CCDC148: variants seen among roughly 807,000 people sequenced by gnomAD.
The protein encoded by CCDC148 is coiled-coil domain containing 148.
A neutral mutation model predicts 85.7 loss-of-function variants in CCDC148; 89 were observed. The ratio of observed to expected loss-of-function variants is 1.04; its 90% confidence interval spans 0.87 to 1.24. The LOEUF is 1.24. Among genes scored for constraint, CCDC148 ranks in the 50% most tolerant of loss-of-function variants. CCDC148 has a pLI of 0.00. For missense variants in CCDC148, 692 were observed against 671.7 expected (o/e 1.03, Z -0.33); for synonymous variants, 230 against 213.9 (o/e 1.08, Z -0.66).
intron 11 of CCDC148, among the ~76,000 whole-genome samples, chr2:158,183,339 G>A (rs1485522674): frequency 2.6e-5 from 4 of 152,106 alleles, no homozygotes; most frequent in Non-Finnish European, 4.4e-5. Context: ...TCTAAGAAAT[G>A]AGTATACAAA....
At chr2:158,299,025 A>T (rs976216844) in intron 9 of CCDC148, among the ~76,000 whole-genome samples, 2 of 152,168 alleles carry the variant, frequency 1.3e-5, no homozygotes, top group Admixed American at 1.3e-4. Context: ...AGTTGCCAGA[A>T]AATCTCCTGA....
chr2:158,240,219 G>T (rs1688289862), intron 10 of CCDC148, among the ~76,000 whole-genome samples: 2 of 151,820 alleles, frequency 1.3e-5, no homozygotes, highest in South Asian at 2.1e-4. Flanking sequence ...AAGTCTATGA[G>T]AGTTCTTATA....
At chr2:158,357,270 C>T (rs1253452808) in intron 2 of CCDC148, among the ~76,000 whole-genome samples, 1 of 150,144 alleles carries the variant, frequency 6.7e-6, no homozygotes, top group Non-Finnish European at 1.5e-5. Context: ...ATAACATAGC[C>T]TGGGTGGCTT....
At chr2:158,275,442 C>A (rs996689681) in intron 9 of CCDC148, among the ~76,000 whole-genome samples, 2 of 152,174 alleles carry the variant, frequency 1.3e-5, no homozygotes, top group Non-Finnish European at 2.9e-5. Context: ...CGAGTGGGAG[C>A]CAGGCCATTT....
intron 9 of CCDC148, among the ~76,000 whole-genome samples, chr2:158,277,216 G>A (rs561364250): frequency 6.6e-6 from 1 of 152,230 alleles, no homozygotes; most frequent in South Asian, 2.1e-4. Context: ...CAACTCGAGG[G>A]GATGATAACA....
intron 9 of CCDC148, among the ~76,000 whole-genome samples, chr2:158,299,417 T>C (rs1052320783): frequency 2.0e-5 from 3 of 152,234 alleles, no homozygotes; most frequent in African/African-American, 7.2e-5. Context: ...CCCCAAATTG[T>C]ATTTGCCTTT....
chr2:158,279,238 G>T (rs1440754523), intron 9 of CCDC148, among the ~76,000 whole-genome samples: 1 of 152,178 alleles, frequency 6.6e-6, no homozygotes, highest in East Asian at 1.9e-4. Flanking sequence ...TCCTCCAAAG[G>T]ATCGCAGTTC....
At chr2:158,372,332 T>C (rs1414898367) in intron 1 of CCDC148, among the ~76,000 whole-genome samples, 1 of 152,070 alleles carries the variant, frequency 6.6e-6, no homozygotes, top group African/African-American at 2.4e-5. Flanking sequence ...GTTTTGAGTT[T>C]TGACAAATCA....
At chr2:158,225,489 C>G (rs1314613827) in intron 10 of CCDC148, among the ~76,000 whole-genome samples, 14 of 152,170 alleles carry the variant, frequency 9.2e-5, no homozygotes, top group African/African-American at 7.2e-5. Flanking sequence ...CACCCCAAAT[C>G]AACAGAATAT....
In CCDC148 at chr2:158,206,661, A is replaced by G. The variant is rs150509224; in HGVS notation, c.1370+13934T>C. Among the ~76,000 whole-genome samples the G allele has an allele frequency of 3.5e-3, 540 of 152,354 alleles. 2 individuals are homozygous for G. The highest frequency in any genetic ancestry group is 8.3e-3 in the Admixed American group (127 of 15,300). On this transcript the variant is annotated intron_variant, in intron 11 of 13. Transcript: ENST00000283233. ...TAATAGATGAATAAAATATGGATTA[A>G]TAACATTTTGTGGGCAGTAGCTAAT...
intron 1 of CCDC148, among the ~76,000 whole-genome samples, chr2:158,417,402 G>C (rs184751924): frequency 5.3e-5 from 8 of 152,306 alleles, no homozygotes; most frequent in African/African-American, 1.9e-4. Context: ...CTACCCCTTG[G>C]ATTCATGACT....
At chr2:158,341,169 G>A (rs1682670022) in intron 3 of CCDC148, among the ~76,000 whole-genome samples, 1 of 151,886 alleles carries the variant, frequency 6.6e-6, no homozygotes, top group Admixed American at 6.6e-5. Context: ...ACTAATAAGA[G>A]CAACAAATCT....
At chr2:158,350,816 ATG>A (rs1253489702) in intron 2 of CCDC148, among the ~76,000 whole-genome samples, 1 of 152,188 alleles carries the variant, frequency 6.6e-6, no homozygotes, top group Non-Finnish European at 1.5e-5. Flanking sequence ...ATACATATAT[ATG>A]TTATATAAAA....
intron 11 of CCDC148, among the ~76,000 whole-genome samples, chr2:158,181,263 T>C (rs1284810422): frequency 6.6e-6 from 1 of 152,122 alleles, no homozygotes; most frequent in African/African-American, 2.4e-5. Flanking sequence ...GCTTGACTAG[T>C]GAGGAAGAAA....
At chr2:158,243,432 T>C (rs984542255) in intron 10 of CCDC148, among the ~76,000 whole-genome samples, 1 of 152,126 alleles carries the variant, frequency 6.6e-6, no homozygotes, top group African/African-American at 2.4e-5. Flanking sequence ...TCTAATAAAA[T>C]TTTCCCAAGA....
At chr2:158,332,968 T>C (rs1445444251) in intron 7 of CCDC148, among the ~76,000 whole-genome samples, 1 of 152,092 alleles carries the variant, frequency 6.6e-6, no homozygotes, top group East Asian at 1.9e-4. Flanking sequence ...TTGTTAATCT[T>C]TTCAAAAAAA....
At chr2:158,429,486 G>C (rs1687239758) in intron 1 of CCDC148, among the ~76,000 whole-genome samples, 1 of 152,096 alleles carries the variant, frequency 6.6e-6, no homozygotes, top group South Asian at 2.1e-4. Context: ...AATCTTAAAA[G>C]CAATGGCAAG....
intron 1 of CCDC148, among the ~76,000 whole-genome samples, chr2:158,417,086 A>G (rs569863951): frequency 1.3e-5 from 2 of 152,300 alleles, no homozygotes; most frequent in East Asian, 3.9e-4. Flanking sequence ...TCATAAGAAC[A>G]GCAAGGGGGA....
At chr2:158,418,500 A>G (rs1357676140) in intron 1 of CCDC148, among the ~76,000 whole-genome samples, 1 of 152,056 alleles carries the variant, frequency 6.6e-6, no homozygotes, top group East Asian at 1.9e-4. Context: ...TGTTCCTGGT[A>G]TCTCCCAAGT....
Sources: gnomAD v4.1 joint callset for allele counts (sites outside exome capture counted in the v4.1 genomes callset) on GRCh38, gnomAD v4.1.1 for gene constraint, MANE v1.5 for transcripts, NCBI Gene and HGNC (gene_info 2026-07-23, HGNC 2026-07-21) for gene names.